MCC: variants seen among roughly 807,000 people sequenced by gnomAD.
The protein encoded by MCC is colorectal mutant cancer protein.
MCC carries 90 observed loss-of-function variants against 116.2 expected under a neutral mutation model. The ratio of observed to expected loss-of-function variants is 0.77; its 90% CI spans 0.65 to 0.92. The LOEUF (loss-of-function observed/expected upper bound fraction) is 0.92. Among genes scored for constraint, MCC ranks in the 40% least tolerant of loss-of-function variants. The pLI, the probability that MCC is intolerant of heterozygous loss-of-function variation, is 0.00. For missense variants in MCC, 1,516 were observed against 1,312.2 expected (o/e 1.16, Z -2.40); for synonymous variants, 578 against 510.5 (o/e 1.13, Z -1.78).
intron 3 of MCC, among the ~76,000 whole-genome samples, chr5:113,239,799 G>A (rs1041288788): frequency 6.6e-5 from 10 of 152,124 alleles, no homozygotes; most frequent in Non-Finnish European, 1.3e-4. Context: ...ACGGTGAACT[G>A]GCAACTCCTC....
chr5:113,469,609 G>C (rs959362842), intron 1 of MCC, among the ~76,000 whole-genome samples: 3 of 152,192 alleles, frequency 2.0e-5, no homozygotes, highest in South Asian at 2.1e-4. Flanking sequence ...CCAACTATGT[G>C]GTCAATTTTG....
chr5:113,175,577 T>C (rs1039600382), intron 3 of MCC, among the ~76,000 whole-genome samples: 1 of 152,168 alleles, frequency 6.6e-6, no homozygotes, highest in African/African-American at 2.4e-5. Context: ...GATAAATAGA[T>C]ATGATGCTAG....
At chr5:113,324,996 C>T (rs1767517334) in intron 3 of MCC, among the ~76,000 whole-genome samples, 1 of 148,830 alleles carries the variant, frequency 6.7e-6, no homozygotes, top group Non-Finnish European at 1.5e-5. Flanking sequence ...CCATGCCCAG[C>T]TAATTAAAAA....
intron 16 of MCC, among the ~76,000 whole-genome samples, chr5:113,045,073 G>C (rs1216420231): frequency 6.6e-6 from 1 of 152,114 alleles, no homozygotes; most frequent in African/African-American, 2.4e-5. Flanking sequence ...CAAGTCCCCT[G>C]TCCACCCTTG....
chr5:113,460,603 C>T (rs1771717298), intron 1 of MCC, among the ~76,000 whole-genome samples: 2 of 152,314 alleles, frequency 1.3e-5, no homozygotes, highest in South Asian at 4.1e-4. Flanking sequence ...CTAACAGCCC[C>T]ACGCTGTACG....
chr5:113,118,042 A>C (rs1757492832), intron 6 of MCC, among the ~76,000 whole-genome samples: 1 of 152,188 alleles, frequency 6.6e-6, no homozygotes, highest in Non-Finnish European at 1.5e-5. Flanking sequence ...GCAACAACAA[A>C]AACAACTTCT....
At chr5:113,186,896 G>A (rs536099035) in intron 3 of MCC, among the ~76,000 whole-genome samples, 1 of 152,118 alleles carries the variant, frequency 6.6e-6, no homozygotes. Flanking sequence ...GGAGGATAGG[G>A]GGAGCTACTA....
At chr5:113,415,720 C>T (rs1770126139) in intron 1 of MCC, among the ~76,000 whole-genome samples, 1 of 152,160 alleles carries the variant, frequency 6.6e-6, no homozygotes, top group African/African-American at 2.4e-5. Context: ...GAACATCCTC[C>T]TTTAGCTTGG....
chr5:113,398,296 C>A (rs1769587920), intron 1 of MCC, among the ~76,000 whole-genome samples: 1 of 152,000 alleles, frequency 6.6e-6, no homozygotes, highest in African/African-American at 2.4e-5. Flanking sequence ...AAGAACTAAA[C>A]ATGGAACTAT....
chr5:113,270,227 T>A (rs997076071), intron 3 of MCC, among the ~76,000 whole-genome samples: 3 of 152,172 alleles, frequency 2.0e-5, no homozygotes, highest in African/African-American at 4.8e-5. Context: ...CTTAGGTGGT[T>A]AGGAATGTAA....
At chr5:113,389,739 C>T (rs1481939524) in intron 1 of MCC, among the ~76,000 whole-genome samples, 1 of 152,218 alleles carries the variant, frequency 6.6e-6, no homozygotes, top group Non-Finnish European at 1.5e-5. Flanking sequence ...CACACCACCA[C>T]ATGCACAGCA....
chr5:113,446,706 C>T (rs1227639347), intron 1 of MCC, among the ~76,000 whole-genome samples: 1 of 152,132 alleles, frequency 6.6e-6, no homozygotes, highest in Non-Finnish European at 1.5e-5. Context: ...ACCCAGCAAT[C>T]CCATTACATG....
rs56780207 is a variant in MCC at position 113,108,331 on chromosome 5, T to TA, written c.1028-3977dup. On this transcript the variant is annotated intron_variant, in intron 6 of 18. Coordinates refer to ENST00000408903, the MANE Select transcript of MCC (RefSeq NM_001085377.2). Reference sequence around the variant, plus strand: ...CAGAGCAAGACGCAACACTCTATCTTAAAAAAAAAAAAAAAAAAAAAAAAA... The same window carrying TA: ...CAGAGCAAGACGCAACACTCTATCTTAAAAAAAAAAAAAAAAAAAAAAAAAA... 5.2e-3 allele frequency among the ~76,000 whole-genome samples: 221 copies of TA among 42,760 alleles called. 3 individuals carry two copies. Among genetic ancestry groups the TA allele is most frequent in the African/African-American group, 0.015 (195 of 13,230 alleles). The allele number at this position is 42,760 out of a possible 152,430, so 28.1% of individuals were successfully genotyped here.
intron 3 of MCC, among the ~76,000 whole-genome samples, chr5:113,257,631 G>C (rs543178145): frequency 1.1e-3 from 165 of 152,262 alleles, no homozygotes; most frequent in South Asian, 3.9e-3. Context: ...CTTCAGAAAG[G>C]CTGGCAATAA....
At position 113,022,178 on chromosome 5, in the gene MCC, G is replaced by T. The variant is rs774734431; in HGVS notation, c.*5124C>A. ...TATAAATGTCTCTGTATAAATAAAT[G>T]GAGTTTTTAAAAAACAATTCTATAT... On this transcript the variant is annotated 3_prime_UTR_variant, in exon 19 of 19. Coordinates refer to ENST00000408903, the MANE Select transcript of MCC (RefSeq NM_001085377.2). 1.2e-4 allele frequency: 18 copies of T among 152,446 alleles called. No individual in the cohort carries two copies. Among genetic ancestry groups the T allele is most frequent in the Admixed American group, 7.9e-4 (12 of 15,258 alleles). 9.4% of individuals were successfully genotyped at this position (152,446 alleles called of 1,614,324 possible).
intron 3 of MCC, among the ~76,000 whole-genome samples, chr5:113,262,903 C>T (rs891807634): frequency 1.3e-5 from 2 of 152,018 alleles, no homozygotes; most frequent in Non-Finnish European, 2.9e-5. Flanking sequence ...ACATTAGCCT[C>T]AGCAATGTGG....
intron 3 of MCC, among the ~76,000 whole-genome samples, chr5:113,186,362 T>C (rs1463326545): frequency 6.6e-6 from 1 of 152,182 alleles, no homozygotes; most frequent in Non-Finnish European, 1.5e-5. Context: ...TTTGGGCCTG[T>C]TTTAAATATG....
chr5:113,479,670 A>G (rs1423698516), intron 1 of MCC, among the ~76,000 whole-genome samples: 1 of 152,104 alleles, frequency 6.6e-6, no homozygotes, highest in African/African-American at 2.4e-5. Context: ...AAAATATGAA[A>G]TAGGATCATA....
chr5:113,249,858 C>A (rs143925409), intron 3 of MCC, among the ~76,000 whole-genome samples: 1 of 152,322 alleles, frequency 6.6e-6, no homozygotes, highest in South Asian at 2.1e-4. Flanking sequence ...TCTACCCCCA[C>A]GCCTTTGGTT....
Sources: allele counts gnomAD v4.1 joint callset (sites outside exome capture counted in the v4.1 genomes callset), GRCh38; gene constraint gnomAD v4.1.1; transcripts MANE v1.5; gene names NCBI Gene and HGNC (gene_info 2026-07-23, HGNC 2026-07-21).